DCP1B: variants seen among roughly 807,000 people sequenced by gnomAD.
DCP1B encodes mRNA-decapping enzyme 1B.
In DCP1B, 47 loss-of-function variants were observed where a neutral mutation model predicts 60.5. That is an observed-to-expected ratio of 0.78 (90% CI 0.61 to 0.99). The LOEUF is 0.99. Ranked by LOEUF, DCP1B falls within the 50% of genes least tolerant of loss-of-function variation. The pLI, the probability that DCP1B is intolerant of heterozygous loss-of-function variation, is 0.00. For synonymous variants in DCP1B, 267 were observed against 280.3 expected (o/e 0.95, Z 0.47); for missense variants, 725 against 756.8 (o/e 0.96, Z 0.49).
intron 3 of DCP1B, among the ~76,000 whole-genome samples, chr12:1,978,551 C>T (rs2154463204): frequency 6.6e-6 from 1 of 152,186 alleles, no homozygotes; most frequent in South Asian, 2.1e-4. Context: ...CATTTATGTA[C>T]AAGAAAATGC....
chr12:1,951,150 C>T (rs555603948), intron 7 of DCP1B, among the ~76,000 whole-genome samples: 7 of 152,128 alleles, frequency 4.6e-5, no homozygotes, highest in Non-Finnish European at 8.8e-5. Flanking sequence ...TGGCAGGTGC[C>T]TGTAATCCCT....
intron 2 of DCP1B, 129 bp from the exon 3 acceptor site, chr12:1,993,520 G>A (rs1427943918): frequency 3.6e-6 from 4 of 1,106,472 alleles, no homozygotes; most frequent in Non-Finnish European, 5.1e-6. Context: ...TAAGCAGCCT[G>A]TACACGTACT....
intron 5 of DCP1B, among the ~76,000 whole-genome samples, chr12:1,960,123 T>A (rs1020974688): frequency 2.0e-5 from 3 of 152,108 alleles, no homozygotes; most frequent in African/African-American, 7.2e-5. Context: ...CAATAGCCAA[T>A]ATATGGAATA....
intron 5 of DCP1B, among the ~76,000 whole-genome samples, chr12:1,960,394 A>G (rs2031079951): frequency 6.6e-6 from 1 of 152,206 alleles, no homozygotes; most frequent in Non-Finnish European, 1.5e-5. Flanking sequence ...GGGTAGGAGG[A>G]TTTTGGAGAT....
chr12:2,000,507 T>G (rs1244095640), intron 1 of DCP1B, among the ~76,000 whole-genome samples: 5 of 152,194 alleles, frequency 3.3e-5, no homozygotes, highest in Non-Finnish European at 5.9e-5. Flanking sequence ...TTTTAGTTTT[T>G]AAATTCCAAG....
At chr12:1,999,496 G>A (rs1027126475) in intron 1 of DCP1B, among the ~76,000 whole-genome samples, 3 of 152,136 alleles carry the variant, frequency 2.0e-5, no homozygotes, top group Admixed American at 6.5e-5. Context: ...CAGGAGGATC[G>A]CTTGTGGCCA....
intron 5 of DCP1B, among the ~76,000 whole-genome samples, chr12:1,959,045 G>C (rs535248607): frequency 1.4e-5 from 2 of 143,782 alleles, no homozygotes; most frequent in South Asian, 4.5e-4. Context: ...CCCCAACGTT[G>C]CTCTGGGCAA....
intron 3 of DCP1B, chr12:1,992,517 C>T (rs957436421): frequency 6.5e-6 from 1 of 154,616 alleles, no homozygotes; most frequent in African/African-American, 2.4e-5. Context: ...TGTGTGCACA[C>T]ATATGTATTT....
intron 5 of DCP1B, among the ~76,000 whole-genome samples, chr12:1,958,188 C>T (rs950611540): frequency 1.4e-5 from 2 of 146,270 alleles, no homozygotes; most frequent in Admixed American, 6.8e-5. Flanking sequence ...AGGGGAAAAG[C>T]TCCCTAACGT....
At chr12:1,996,292 A>G (rs143647355) in intron 2 of DCP1B, among the ~76,000 whole-genome samples, 49 of 152,192 alleles carry the variant, frequency 3.2e-4, no homozygotes, top group Non-Finnish European at 6.3e-4. Context: ...ATAATCTCAA[A>G]ATCCAGAGTC....
At position 1,948,308 on chromosome 12, in the gene DCP1B, C is replaced by A. The variant is rs1391869909; in HGVS notation, c.1773+778G>T. On this transcript the variant is annotated intron_variant, in intron 8 of 8. Coordinates refer to ENST00000280665, the MANE Select transcript of DCP1B (RefSeq NM_152640.5). This position sits in a 1 kb window ranked among gnomAD's most constrained non-coding sequence, Gnocchi z 4.8. Reference sequence around the variant, plus strand: ...CCACGGGAGAGTACGTGGGAAGTGGCACTCGGGGGCCAGGCTGGGTGCATC... The same window carrying A: ...CCACGGGAGAGTACGTGGGAAGTGGAACTCGGGGGCCAGGCTGGGTGCATC... Among the ~76,000 whole-genome samples, 1 of 152,190 alleles carries A rather than the reference C, an allele frequency of 6.6e-6. No homozygotes were observed. The highest frequency in any genetic ancestry group is 1.5e-5 in the Non-Finnish European group (1 of 68,036).
chr12:1,953,367 C>T (rs2030763457), intron 6 of DCP1B, 79 bp from the exon 7 acceptor site: 2 of 1,398,638 alleles, frequency 1.4e-6, no homozygotes, highest in African/African-American at 1.4e-5. Context: ...CATAACTTAT[C>T]TGATGACTTA....
intron 3 of DCP1B, 162 bp downstream of exon 3, chr12:1,993,102 T>G: frequency 1.1e-6 from 1 of 899,556 alleles, no homozygotes; most frequent in Middle Eastern, 2.1e-4. Flanking sequence ...ATCTATTCCA[T>G]CATTAGGGCA....
Position 1,948,419 on chromosome 12 carries a change from G to C in DCP1B, c.1773+667C>G, listed in dbSNP as rs2030523539. Among the ~76,000 whole-genome samples the C allele has an allele frequency of 6.6e-6, 1 of 152,182 alleles. No individual in the cohort carries two copies. The highest frequency in any genetic ancestry group is 1.5e-5 in the Non-Finnish European group (1 of 68,032). On this transcript the variant is annotated intron_variant, in intron 8 of 8. Coordinates refer to ENST00000280665, the MANE Select transcript of DCP1B (RefSeq NM_152640.5). The surrounding 1 kb of genome is among the most constrained non-coding windows in gnomAD (Gnocchi z 4.8). Reference sequence around the variant, plus strand: ...GTCTGTAGAATGGGAAAAATAACAGGGTTGTTATGTAAGGAGTGAATGAGT... The same window carrying C: ...GTCTGTAGAATGGGAAAAATAACAGCGTTGTTATGTAAGGAGTGAATGAGT...
At chr12:1,995,216 T>TA (rs80167296) in intron 2 of DCP1B, among the ~76,000 whole-genome samples, 14 of 151,420 alleles carry the variant, frequency 9.2e-5, no homozygotes, top group South Asian at 4.2e-4. Flanking sequence ...CTTCCATAGT[T>TA]AAAAAAAAAC....
At chr12:1,977,195 A>G (rs892845721) in intron 3 of DCP1B, among the ~76,000 whole-genome samples, 1 of 152,206 alleles carries the variant, frequency 6.6e-6, no homozygotes, top group Non-Finnish European at 1.5e-5. Flanking sequence ...AAGTTGGAAG[A>G]GCTTTTATTC....
intron 5 of DCP1B, among the ~76,000 whole-genome samples, chr12:1,956,648 A>G (rs572591070): frequency 2.0e-5 from 3 of 152,356 alleles, no homozygotes; most frequent in East Asian, 3.9e-4. Context: ...TATAAGTCAT[A>G]AAGTGTTACT....
At chr12:1,999,169 T>C (rs1266673448) in intron 1 of DCP1B, among the ~76,000 whole-genome samples, 2 of 152,234 alleles carry the variant, frequency 1.3e-5, no homozygotes, top group East Asian at 3.8e-4. Flanking sequence ...GGGATGGTGC[T>C]CAGCAATCTG....
intron 5 of DCP1B, among the ~76,000 whole-genome samples, chr12:1,963,997 ATATT>A (rs2031212331): frequency 6.6e-6 from 1 of 152,100 alleles, no homozygotes; most frequent in African/African-American, 2.4e-5. Context: ...ATCTAATTTC[ATATT>A]TATTATATCC....
Sources: allele counts gnomAD v4.1 joint callset (sites outside exome capture counted in the v4.1 genomes callset), GRCh38; gene constraint gnomAD v4.1.1; non-coding constraint Gnocchi (gnomAD v3.1); transcripts MANE v1.5; gene names NCBI Gene and HGNC (gene_info 2026-07-23, HGNC 2026-07-21).